The following WDFY3 variants were observed in gnomAD, a reference collection of about 807,000 sequenced individuals.
WDFY3 encodes the protein WD repeat and FYVE domain containing 3.
In WDFY3, 66 loss-of-function variants were observed where a neutral mutation model predicts 409.6. The ratio of observed to expected loss-of-function variants is 0.16; its 90% CI spans 0.13 to 0.20. The LOEUF is 0.20. Ranked by LOEUF, WDFY3 falls within the 10% of genes least tolerant of loss-of-function variation. The probability of loss-of-function intolerance (pLI) is 1.00; values close to 1 mark genes in which losing one functional copy is unlikely to be tolerated. For synonymous variants in WDFY3, 1,521 were observed against 1,537.1 expected, an observed-to-expected ratio of 0.99 and a Z score of 0.25; for missense variants, 3,031 against 4,298.1, an observed-to-expected ratio of 0.71 and a Z score of 8.24.
chr4:84,819,268 G>A (rs1019477468), intron 12 of WDFY3, among the ~76,000 whole-genome samples: 1 of 151,954 alleles, frequency 6.6e-6, no homozygotes, highest in African/African-American at 2.4e-5. Context: ...CATGGTACCT[G>A]GGATACACAA....
intron 3 of WDFY3, among the ~76,000 whole-genome samples, chr4:84,878,053 G>GTTAAGATTGTTGGGTACCCCATAATGTAC (rs1763016719): frequency 1.3e-5 from 2 of 152,076 alleles, no homozygotes; most frequent in Non-Finnish European, 2.9e-5. Context: ...GACCATTTTT[G>GTTAAGATTGTTGGGTACCCCATAATGTAC]TTAAGATTGT....
chr4:84,748,490 T>C (rs1432112860), intron 36 of WDFY3, among the ~76,000 whole-genome samples: 2 of 152,166 alleles, frequency 1.3e-5, no homozygotes, highest in Admixed American at 1.3e-4. Flanking sequence ...TGGTAAATAA[T>C]ATCATTCTCT....
At chr4:84,818,780 A>T (rs1191922286) in intron 12 of WDFY3, among the ~76,000 whole-genome samples, 2 of 152,146 alleles carry the variant, frequency 1.3e-5, no homozygotes, top group African/African-American at 4.8e-5. Context: ...AGCTAGTAAC[A>T]TCTTTCATAC....
intron 15 of WDFY3, 39 bp from the exon 16 acceptor site, chr4:84,803,506 A>C (rs1560801714): frequency 1.9e-6 from 3 of 1,566,666 alleles, no homozygotes; most frequent in Non-Finnish European, 2.6e-6. Context: ...ATTGAATTCC[A>C]ATCACATTCT....
intron 58 of WDFY3, among the ~76,000 whole-genome samples, chr4:84,694,044 A>T (rs1255613267): frequency 6.6e-6 from 1 of 152,222 alleles, no homozygotes; most frequent in African/African-American, 2.4e-5. Context: ...TAAGATAAAT[A>T]CGACACCATC....
intron 14 of WDFY3, 46 bp downstream of exon 14, chr4:84,809,841 T>C (rs781545971): frequency 4.1e-5 from 63 of 1,528,736 alleles, no homozygotes; most frequent in Non-Finnish European, 5.1e-5. Context: ...GTTGAAGTCA[T>C]GCTTAGTATA....
chr4:84,872,941 A>G (rs1762315373), intron 3 of WDFY3, among the ~76,000 whole-genome samples: 1 of 152,222 alleles, frequency 6.6e-6, no homozygotes, highest in East Asian at 1.9e-4. Context: ...CAGGGATAAA[A>G]AGAGGCATTA....
At chr4:84,879,195 C>T (rs1428310954) in intron 3 of WDFY3, among the ~76,000 whole-genome samples, 2 of 152,180 alleles carry the variant, frequency 1.3e-5, no homozygotes, top group African/African-American at 4.8e-5. Flanking sequence ...CATCACCTAT[C>T]TGCTGTTCCC....
chr4:84,907,008 C>T (rs1349745428), intron 2 of WDFY3, among the ~76,000 whole-genome samples: 1 of 152,002 alleles, frequency 6.6e-6, no homozygotes, highest in East Asian at 1.9e-4. Flanking sequence ...AACATCTTTT[C>T]CCAAATATTT....
chr4:84,782,691 A>G (rs1445630924), intron 25 of WDFY3, among the ~76,000 whole-genome samples: 4 of 152,194 alleles, frequency 2.6e-5, no homozygotes, highest in African/African-American at 9.6e-5. Flanking sequence ...AGCTTCATCT[A>G]TGTCCCTGCA....
intron 19 of WDFY3, among the ~76,000 whole-genome samples, 153 bp from the exon 20 acceptor site, chr4:84,795,132 C>CT (rs1749164585): frequency 6.6e-6 from 1 of 152,124 alleles, no homozygotes; most frequent in African/African-American, 2.4e-5. Flanking sequence ...CCCTTCCCTT[C>CT]TTTTAATTAT....
chr4:84,760,514 T>C (rs1457409818), intron 32 of WDFY3, among the ~76,000 whole-genome samples: 3 of 152,178 alleles, frequency 2.0e-5, no homozygotes, highest in Admixed American at 1.3e-4. Flanking sequence ...GATTCAACTT[T>C]TTCCTGGTTT....
chr4:84,960,450 G>A (rs1774768635), intron 1 of WDFY3, among the ~76,000 whole-genome samples: 1 of 152,146 alleles, frequency 6.6e-6, no homozygotes, highest in South Asian at 2.1e-4. Context: ...TAAGGACCTT[G>A]AATACTACAT....
intron 44 of WDFY3, among the ~76,000 whole-genome samples, chr4:84,732,686 G>A (rs770343695): frequency 6.6e-6 from 1 of 152,010 alleles, no homozygotes. Context: ...GTTCTTATAC[G>A]TTGTTACAAA....
At chr4:84,836,879 C>G (rs759601356) in intron 7 of WDFY3, 50 bp downstream of exon 7, 1 of 1,352,286 alleles carries the variant, frequency 7.4e-7, no homozygotes, top group African/African-American at 1.5e-5. Flanking sequence ...AGGAAGTATA[C>G]CCACTTCCCT....
At chr4:84,929,824 T>A (rs1319370605) in intron 2 of WDFY3, among the ~76,000 whole-genome samples, 1 of 151,628 alleles carries the variant, frequency 6.6e-6, no homozygotes, top group African/African-American at 2.4e-5. Context: ...GGCACGAGAA[T>A]CGCTTGAACC....
intron 31 of WDFY3, 21 bp from the exon 32 acceptor site, chr4:84,766,048 T>TA: frequency 6.3e-7 from 1 of 1,582,674 alleles, no homozygotes; most frequent in Non-Finnish European, 8.6e-7. Context: ...CAGATGGATT[T>TA]AAAAAACAAA....
In WDFY3 at chr4:84,794,894, T is replaced by C. The variant is rs780812790; in HGVS notation, c.3253A>G (p.Ser1085Gly). The C allele has an allele frequency of 1.7e-5, 26 of 1,571,788 alleles. No individual in the cohort carries two copies. The highest frequency in any genetic ancestry group is 2.1e-5 in the Non-Finnish European group (24 of 1,166,276). Residue 1085 changes from serine (S) to glycine (G), a missense_variant, in exon 20 of 68, where the codon AGT becomes GGT. Around this residue, in one of 16 missense-constraint regions of WDFY3, gnomAD observed 1,322 missense variants for 1,697.9 expected, o/e 0.78. Coordinates refer to ENST00000295888, the MANE Select transcript of WDFY3 (RefSeq NM_014991.6). ...TTGLIDGAVV[S>G]GIGSGERFFP... ...TATTACTTACCAGAACCAATGCCAC[T>C]GACCACAGCCCCATCAATAAGACCT...
At chr4:84,827,939 C>T (rs115698428) in intron 9 of WDFY3, among the ~76,000 whole-genome samples, 3,387 of 151,644 alleles carry the variant, frequency 0.022, 39 homozygotes, top group South Asian at 0.036. Context: ...AACATAGGCT[C>T]TACAAAAAAA....
Sources: gnomAD v4.1 joint callset for allele counts (sites outside exome capture counted in the v4.1 genomes callset) on GRCh38, gnomAD v4.1.1 for gene constraint, gnomAD v4.1.1 regional missense constraint, MANE v1.5 for transcripts, NCBI Gene and HGNC (gene_info 2026-07-23, HGNC 2026-07-21) for gene names.